The following PMEPA1 variants were observed in gnomAD, a reference collection of about 807,000 sequenced individuals.
PMEPA1 encodes the protein prostate transmembrane protein, androgen induced 1, also known as protein TMEPAI.
In PMEPA1, 11 loss-of-function variants were observed where a neutral mutation model predicts 23.0. The observed-to-expected ratio is 0.48, with a 90% CI of 0.30 to 0.79. PMEPA1 has a LOEUF of 0.79. Ranked by LOEUF, PMEPA1 falls within the 30% of genes least tolerant of loss-of-function variation. PMEPA1 has a pLI of 0.06. For synonymous variants in PMEPA1, 204 were observed against 166.4 expected (o/e 1.23, Z -1.74); for missense variants, 377 against 390.9 (o/e 0.96, Z 0.30).
At chr20:57,657,970 C>T (rs553745308) in intron 2 of PMEPA1, among the ~76,000 whole-genome samples, 25 of 152,348 alleles carry the variant, frequency 1.6e-4, no homozygotes, top group African/African-American at 6.0e-4. Context: ...TTTAAACAGC[C>T]GCTTCCTGCC....
In PMEPA1 at chr20:57,652,149, C is replaced by A; in HGVS notation, c.768G>T (p.Leu256=). ...GTGTGTGGTGGAGCCGGGTCCCCTC[C>A]AGCAAGGAGGGCGGCCCACTGCTCT... The part of the protein sequence containing the change: ...HQQSSGPPSL[L]EGTRLHHTHI... The change falls in exon 4 of 4, where the codon CTG becomes CTT. Residue 256 remains leucine, a synonymous_variant. Coordinates refer to ENST00000341744, the MANE Select transcript of PMEPA1 (RefSeq NM_020182.5). This position sits in a 1 kb window ranked among gnomAD's most constrained non-coding sequence, Gnocchi z 6.1. The A allele has an allele frequency of 6.2e-7, 1 of 1,601,324 alleles. No individual in the cohort carries two copies.
At chr20:57,709,420 C>T in intron 1 of PMEPA1, 54 bp downstream of exon 1, 3 of 1,048,472 alleles carry the variant, frequency 2.9e-6, no homozygotes, top group Non-Finnish European at 3.5e-6. Flanking sequence ...TGTGCCCCGA[C>T]ATAGGGTCCG....
rs1034139967 is a variant in PMEPA1 at position 57,652,957 on chromosome 20, C to G, written c.318+76G>C. 26 of 1,254,504 alleles carry G rather than the reference C, an allele frequency of 2.1e-5. No homozygotes were observed. In the Admixed American group the frequency reaches 5.1e-4, roughly 25 times the overall value. 77.7% of individuals were successfully genotyped at this position (1,254,504 alleles called of 1,614,324 possible). Reference sequence around the variant, plus strand: ...GCGGAGGGGTGAGCCTTTAGCAGCCCACACTGTTCCAGCCGCAGCGGGAGC... The same window carrying G: ...GCGGAGGGGTGAGCCTTTAGCAGCCGACACTGTTCCAGCCGCAGCGGGAGC... On this transcript the variant is annotated intron_variant, in intron 3 of 3. Transcript: ENST00000341744. This position sits in a 1 kb window ranked among gnomAD's most constrained non-coding sequence, Gnocchi z 6.1.
In PMEPA1 at chr20:57,655,850, T is replaced by C. The variant is rs971899169; in HGVS notation, c.265-2764A>G. Among the ~76,000 whole-genome samples the C allele has an allele frequency of 3.3e-5, 5 of 152,130 alleles. No individual in the cohort carries two copies. Among genetic ancestry groups the C allele is most frequent in the Non-Finnish European group, 5.9e-5 (4 of 68,016 alleles). Reference sequence around the variant, plus strand: ...AGCCAGAGAGTAAAATATTTTCTGGTTTGTGGGCCGGCGGGTCTCTGTCAT... The same window carrying C: ...AGCCAGAGAGTAAAATATTTTCTGGCTTGTGGGCCGGCGGGTCTCTGTCAT... On this transcript the variant is annotated intron_variant, in intron 2 of 3. Transcript: ENST00000341744. This position sits in a 1 kb window ranked among gnomAD's most constrained non-coding sequence, Gnocchi z 4.2.
At chr20:57,662,196 T>G (rs1001884880) in intron 1 of PMEPA1, among the ~76,000 whole-genome samples, 1 of 152,306 alleles carries the variant, frequency 6.6e-6, no homozygotes, top group Non-Finnish European at 1.5e-5. Context: ...ACTCCTGGCA[T>G]GGAGTGGGTG....
In PMEPA1 at chr20:57,653,053, A is replaced by G; in HGVS notation, c.298T>C (p.Ser100Pro). The change falls in exon 3 of 4, where the codon TCA (serine) becomes CCA (proline). Residue 100 changes from serine (S) to proline (P), a missense_variant. Coordinates refer to ENST00000341744, the MANE Select transcript of PMEPA1 (RefSeq NM_020182.5). ...GCLWPSESTV[S>P]GNGIPEPQVY... Reference sequence around the variant, plus strand: ...CTCACCTCTGGGATTCCGTTGCCTGACACTGTGCTCTCCGAGGGCCACAGG... The same window carrying G: ...CTCACCTCTGGGATTCCGTTGCCTGGCACTGTGCTCTCCGAGGGCCACAGG... 1 of 1,596,010 alleles carries G rather than the reference A, an allele frequency of 6.3e-7. No individual in the cohort carries two copies. The highest frequency in any genetic ancestry group is 1.1e-5 in the South Asian group (1 of 87,846).
intron 1 of PMEPA1, among the ~76,000 whole-genome samples, chr20:57,709,243 G>T (rs2072129980): frequency 1.3e-5 from 2 of 150,076 alleles, no homozygotes; most frequent in African/African-American, 4.8e-5. Flanking sequence ...GGCGGGCGGG[G>T]CGCGGACAGC....
chr20:57,701,242 G>A (rs540456983), intron 1 of PMEPA1, among the ~76,000 whole-genome samples: 8 of 152,056 alleles, frequency 5.3e-5, no homozygotes, highest in East Asian at 1.9e-4. Context: ...TGATACCGCC[G>A]AAGTTGAGTC....
chr20:57,664,628 G>A (rs953205736), intron 1 of PMEPA1, among the ~76,000 whole-genome samples: 3 of 151,838 alleles, frequency 2.0e-5, no homozygotes, highest in East Asian at 1.9e-4. Context: ...CTTGAGAGCC[G>A]GACTCTCAGG....
intron 1 of PMEPA1, among the ~76,000 whole-genome samples, chr20:57,672,481 CTCAATAGTGCCTCAT>C (rs1432990534): frequency 1.4e-4 from 21 of 152,252 alleles, no homozygotes; most frequent in Admixed American, 6.5e-4. Flanking sequence ...TTAGCCGCTT[CTCAATAGTGCCTCAT>C]TCAATCCCCG....
At position 57,655,246 on chromosome 20, in the gene PMEPA1, TTGAC is replaced by T. The variant is rs980349534; in HGVS notation, c.265-2164_265-2161del. On this transcript the variant is annotated intron_variant, in intron 2 of 3. Coordinates refer to ENST00000341744, the MANE Select transcript of PMEPA1 (RefSeq NM_020182.5). The surrounding 1 kb of genome is among the most constrained non-coding windows in gnomAD (Gnocchi z 4.2). ...TCTTTCCTCCCTTTCCTGAAGAACT[TTGAC>T]TGGCCCCTCAAGCCTCTGCCCAGGT... Among the ~76,000 whole-genome samples the T allele has an allele frequency of 3.3e-5, 5 of 152,148 alleles. No individual in the cohort carries two copies. Among genetic ancestry groups the T allele is most frequent in the African/African-American group, 7.2e-5 (3 of 41,422 alleles).
In PMEPA1 at chr20:57,651,179, G is replaced by A. The variant is rs2071222399; in HGVS notation, c.*874C>T. 6.6e-6 allele frequency: 1 copy of A among 152,226 alleles called. No homozygotes were observed. Among genetic ancestry groups the A allele is most frequent in the South Asian group, 2.1e-4 (1 of 4,836 alleles). The allele number at this position is 152,226 out of a possible 1,614,324, so 9.4% of individuals were successfully genotyped here. Reference sequence around the variant, plus strand: ...ATTTAAAGGCTGTTCTGGGTCAGGGGGGAAAAGGTGTCTCCTTCGGTAGGG... The same window carrying A: ...ATTTAAAGGCTGTTCTGGGTCAGGGAGGAAAAGGTGTCTCCTTCGGTAGGG... On this transcript the variant is annotated 3_prime_UTR_variant, in exon 4 of 4. Coordinates refer to ENST00000341744, the MANE Select transcript of PMEPA1 (RefSeq NM_020182.5).
intron 1 of PMEPA1, among the ~76,000 whole-genome samples, chr20:57,675,636 A>ATGGATTGCCC (rs1356221757): frequency 6.6e-6 from 1 of 152,148 alleles, no homozygotes; most frequent in Admixed American, 6.5e-5. Flanking sequence ...CGGCCCCTGA[A>ATGGATTGCCC]TGGATTGCCG....
upstream of PMEPA1, chr20:57,710,410 C>T: frequency 6.3e-7 from 1 of 1,589,356 alleles, no homozygotes; most frequent in Non-Finnish European, 8.6e-7. Flanking sequence ...CCTGGGGGCT[C>T]AGGGAAGAGA....
In PMEPA1 at chr20:57,691,046, C is replaced by T. The variant is rs535433397; in HGVS notation, c.109+18428G>A. Among the ~76,000 whole-genome samples the T allele has an allele frequency of 1.6e-4, 24 of 152,264 alleles. 1 individual carries two copies. In the South Asian group the frequency reaches 3.5e-3, roughly 22 times the overall value. ...CTACCGGCCCCTCGGTCTTTTCCTA[C>T]GGGACTTCTGAAAAGCTGTTCTACA... is the stretch of plus-strand genomic sequence containing the variant. On this transcript the variant is annotated intron_variant, in intron 1 of 3. Transcript: ENST00000341744.
intron 1 of PMEPA1, among the ~76,000 whole-genome samples, chr20:57,700,552 G>A (rs1020889846): frequency 4.6e-5 from 7 of 152,206 alleles, no homozygotes; most frequent in Admixed American, 1.3e-4. Flanking sequence ...GGAGGATTGC[G>A]AGGTGTTTCT....
rs76237923 is a variant in PMEPA1 at position 57,655,026 on chromosome 20, C to A, written c.265-1940G>T. 6.6e-6 allele frequency among the ~76,000 whole-genome samples: 1 copy of A among 151,376 alleles called. No homozygotes were observed. The highest frequency in any genetic ancestry group is 2.4e-5 in the African/African-American group (1 of 40,946). ...AGGAGAGAAAGTTCCAACCCCTTAC[C>A]GAGGCCCATACCCCCTAGATGTCCA... On this transcript the variant is annotated intron_variant, in intron 2 of 3. Transcript: ENST00000341744. The surrounding 1 kb of genome is among the most constrained non-coding windows in gnomAD (Gnocchi z 4.2).
intron 1 of PMEPA1, 79 bp downstream of exon 1, chr20:57,709,395 A>AC (rs2072133619): frequency 1.0e-6 from 1 of 974,318 alleles, no homozygotes; most frequent in African/African-American, 1.8e-5. Flanking sequence ...CAGGGCCCGG[A>AC]CCCCCGCTCG....
At position 57,662,419 on chromosome 20, in the gene PMEPA1, A is replaced by G. The variant is rs1475981827; in HGVS notation, c.110-2722T>C. 3.3e-5 allele frequency among the ~76,000 whole-genome samples: 5 copies of G among 152,174 alleles called. No individual in the cohort carries two copies. In the South Asian group the frequency reaches 6.2e-4, roughly 19 times the overall value. On this transcript the variant is annotated intron_variant, in intron 1 of 3. Coordinates refer to ENST00000341744, the MANE Select transcript of PMEPA1 (RefSeq NM_020182.5). ...GACCCTAGAGCTGGCGCGTCCTCCC[A>G]CTAGGCTTGGTGGGGCTTTCCCAAG...
Sources: gnomAD v4.1 joint callset for allele counts (sites outside exome capture counted in the v4.1 genomes callset) on GRCh38, gnomAD v4.1.1 for gene constraint, Gnocchi (gnomAD v3.1) non-coding constraint, MANE v1.5 for transcripts, NCBI Gene and HGNC (gene_info 2026-07-23, HGNC 2026-07-21) for gene names.